Variants in VPS37B observed in about 807,000 individuals in gnomAD.
VPS37B encodes vacuolar protein sorting-associated protein 37B.
A neutral mutation model predicts 21.2 loss-of-function variants in VPS37B; 11 were observed. The ratio of observed to expected loss-of-function variants is 0.52; its 90% CI spans 0.33 to 0.86. The LOEUF is 0.86. Among genes scored for constraint, VPS37B ranks in the 40% least tolerant of loss-of-function variants. The pLI is 0.03. For missense variants in VPS37B, 389 were observed against 374.8 expected (o/e 1.04, Z -0.31); for synonymous variants, 175 against 159.6 (o/e 1.10, Z -0.73).
At chr12:122,878,342 A>C (rs1348847122) in intron 1 of VPS37B, 2 of 145,662 alleles carry the variant, frequency 1.4e-5, no homozygotes, top group African/African-American at 5.2e-5. Flanking sequence ...CTGGTGACAG[A>C]GGGAGACTCC....
At chr12:122,883,497 CTTTTT>C (rs1003971957) in intron 1 of VPS37B, 1 of 151,802 alleles carries the variant, frequency 6.6e-6, no homozygotes, top group African/African-American at 2.4e-5. Flanking sequence ...TTTCTTTTTT[CTTTTT>C]TTTGAGACAA....
chr12:122,871,129 G>GCACA, intron 1 of VPS37B, 68 bp from the exon 2 acceptor site: 1 of 1,573,338 alleles, frequency 6.4e-7, no homozygotes, highest in Admixed American at 1.8e-5. Flanking sequence ...AGGTCCCCAC[G>GCACA]CACACCCCAG....
Position 122,868,464 on chromosome 12 carries a change from G to A in VPS37B, c.366+16C>T. The A allele has an allele frequency of 6.2e-7, 1 of 1,610,304 alleles. No individual in the cohort carries two copies. The highest frequency in any genetic ancestry group is 8.5e-7 in the Non-Finnish European group (1 of 1,178,496). ...CAAAGCGCCCCAAGGATTCCACCAA[G>A]GCTGGTGGGCTTTACCTCAGTGTCT... is the stretch of plus-strand genomic sequence containing the variant. On this transcript the variant is annotated intron_variant, in intron 3 of 3. Coordinates refer to ENST00000267202, the MANE Select transcript of VPS37B (RefSeq NM_024667.3). The surrounding 1 kb of genome is among the most constrained non-coding windows in gnomAD (Gnocchi z 5.5).
At chr12:122,871,085 G>A (rs1433924775) in intron 1 of VPS37B, 24 bp from the exon 2 acceptor site, 5 of 1,612,066 alleles carry the variant, frequency 3.1e-6, no homozygotes, top group South Asian at 1.1e-5. Context: ...ACAAGATGAT[G>A]AGAACCAAAA....
At chr12:122,888,442 T>A in intron 1 of VPS37B, 2 of 412,446 alleles carry the variant, frequency 4.8e-6, no homozygotes, top group Non-Finnish European at 1.0e-5. Context: ...AGAACTCTTG[T>A]CTCAGCATGT....
Position 122,896,036 on chromosome 12 carries a change from C to G in VPS37B, c.27G>C (p.Arg9=). 4.4e-6 allele frequency: 7 copies of G among 1,588,410 alleles called. No homozygotes were observed. The highest frequency in any genetic ancestry group is 6.0e-6 in the Non-Finnish European group (7 of 1,171,706). Residue 9 remains arginine, a synonymous_variant, in exon 1 of 4, where the codon CGG becomes CGC. Coordinates refer to ENST00000267202, the MANE Select transcript of VPS37B (RefSeq NM_024667.3). Reference sequence around the variant, plus strand: ...GCTGCACCAGCGACAGCCCGGCGAACCGGGCTTCGCTCCCGGCGCCCGCCA... The same window carrying G: ...GCTGCACCAGCGACAGCCCGGCGAAGCGGGCTTCGCTCCCGGCGCCCGCCA... MAGAGSEA[R]FAGLSLVQLN... is the part of the protein sequence containing the mutation.
Position 122,868,443 on chromosome 12 carries a change from G to A in VPS37B, c.366+37C>T, listed in dbSNP as rs543224828. ...GCAGCGGGCCCACGGACTGCCCAAA[G>A]CGCCCCAAGGATTCCACCAAGGCTG... On this transcript the variant is annotated intron_variant, in intron 3 of 3. Transcript: ENST00000267202. The surrounding 1 kb of genome is among the most constrained non-coding windows in gnomAD (Gnocchi z 5.5). 1 of 1,598,878 alleles carries A rather than the reference G, an allele frequency of 6.3e-7. No homozygotes were observed. Among genetic ancestry groups the A allele is most frequent in the Admixed American group, 1.7e-5 (1 of 58,478 alleles).
intron 1 of VPS37B, chr12:122,882,199 T>C (rs1187485479): frequency 2.0e-5 from 3 of 152,180 alleles, no homozygotes; most frequent in African/African-American, 7.2e-5. Flanking sequence ...CTTTTTTTTT[T>C]CTTTTTAAAC....
chr12:122,891,510 C>T (rs1179916111), intron 1 of VPS37B, among the ~76,000 whole-genome samples: 1 of 152,154 alleles, frequency 6.6e-6, no homozygotes, highest in Admixed American at 6.6e-5. Flanking sequence ...AAATGACATA[C>T]AACTGAATTT....
chr12:122,876,416 AAC>A (rs1391685990), intron 1 of VPS37B: 6 of 152,190 alleles, frequency 3.9e-5, no homozygotes, highest in Admixed American at 6.5e-5. Flanking sequence ...ACTCTCTCAG[AAC>A]ACACAGTCTG....
At chr12:122,892,503 T>TAA (rs139634602) in intron 1 of VPS37B, among the ~76,000 whole-genome samples, 83 of 143,736 alleles carry the variant, frequency 5.8e-4, no homozygotes, top group Non-Finnish European at 9.9e-4. Flanking sequence ...TTCTGCCAAT[T>TAA]AAAAAAAAAA....
chr12:122,879,831 T>A (rs755684535), intron 1 of VPS37B: 2 of 152,186 alleles, frequency 1.3e-5, no homozygotes, highest in Non-Finnish European at 2.9e-5. Context: ...CTTGCTTGAT[T>A]GGGCTCGGTG....
chr12:122,865,577 G>A lies in VPS37B; in HGVS notation c.*1539C>T, dbSNP rs2033881376. The A allele has an allele frequency of 6.7e-6, 1 of 148,550 alleles. No homozygotes were observed. Among genetic ancestry groups the A allele is most frequent in the Non-Finnish European group, 1.5e-5 (1 of 66,968 alleles). 9.2% of individuals were successfully genotyped at this position (148,550 alleles called of 1,614,324 possible). On this transcript the variant is annotated 3_prime_UTR_variant, in exon 4 of 4. Transcript: ENST00000267202. ...CATGGCAAGCCCGCCTGACTGGCAT[G>A]GCAGTGAATCGTCCTGTACAGCTTC...
intron 1 of VPS37B, chr12:122,872,733 G>A (rs2135700688): frequency 2.1e-6 from 2 of 974,778 alleles, no homozygotes; most frequent in East Asian, 1.1e-4. Context: ...TTTTAATAAA[G>A]CTGAATACGT....
intron 1 of VPS37B, chr12:122,872,817 A>C: frequency 2.1e-6 from 1 of 486,288 alleles, no homozygotes; most frequent in Non-Finnish European, 2.7e-6. Flanking sequence ...TTCAACAAAA[A>C]CCTGCTCAGG....
intron 1 of VPS37B, chr12:122,876,191 G>C (rs1459284964): frequency 6.6e-6 from 1 of 152,026 alleles, no homozygotes; most frequent in Admixed American, 6.6e-5. Flanking sequence ...CTCACCCCAG[G>C]GTAACAGCAG....
At chr12:122,869,270 T>G (rs2033974262) in intron 2 of VPS37B, among the ~76,000 whole-genome samples, 1 of 152,250 alleles carries the variant, frequency 6.6e-6, no homozygotes. Flanking sequence ...CTGAGAGACA[T>G]TAATATCCAC....
Position 122,870,970 on chromosome 12 carries a change from G to C in VPS37B, c.203C>G (p.Thr68Arg). Residue 68 changes from threonine (T) to arginine (R), a missense_variant, in exon 2 of 4, where the codon ACG becomes AGG. By Grantham distance (71) the Thr-to-Arg change is moderately conservative. Transcript: ENST00000267202. The stretch of plus-strand genomic sequence containing the variant: ...TTTCTGGGTCAAGCGTGCTTTCAAC[G>C]TGTCCAGCTGGGGCTGGTACAAAAG... The part of the protein sequence containing the change: ...GNLLYQPQLD[T>R]LKARLTQKYQ... 1 of 1,614,180 alleles carries C rather than the reference G, an allele frequency of 6.2e-7. No individual in the cohort carries two copies. Among genetic ancestry groups the C allele is most frequent in the Non-Finnish European group, 8.5e-7 (1 of 1,180,042 alleles).
chr12:122,894,211 C>G (rs2034456110), intron 1 of VPS37B, among the ~76,000 whole-genome samples: 1 of 152,188 alleles, frequency 6.6e-6, no homozygotes. Context: ...TCTTTGGAGA[C>G]ATGAAACTCA....
Sources: allele counts gnomAD v4.1 joint callset (sites outside exome capture counted in the v4.1 genomes callset), GRCh38; gene constraint gnomAD v4.1.1; non-coding constraint Gnocchi (gnomAD v3.1); transcripts MANE v1.5; gene names NCBI Gene and HGNC (gene_info 2026-07-23, HGNC 2026-07-21).